The following PKHD1L1 variants were observed in gnomAD, a reference collection of about 807,000 sequenced individuals.
PKHD1L1 encodes fibrocystin-L.
A neutral mutation model predicts 462.9 loss-of-function variants in PKHD1L1; 434 were observed. The ratio of observed to expected loss-of-function variants is 0.94; its 90% confidence interval spans 0.87 to 1.02. PKHD1L1 has a LOEUF of 1.02. Ranked by LOEUF, PKHD1L1 falls within the 50% of genes least tolerant of loss-of-function variation. The pLI is 0.00. For synonymous variants in PKHD1L1, 1,781 were observed against 1,750.0 expected, an observed-to-expected ratio of 1.02 and a Z score of -0.44; for missense variants, 5,202 against 5,096.1, an observed-to-expected ratio of 1.02 and a Z score of -0.63.
Position 109,530,159 on chromosome 8 carries a change from CA to C in PKHD1L1, c.*73del. 1.0e-6 allele frequency: 1 copy of C among 968,924 alleles called. No homozygotes were observed. 60.0% of individuals were successfully genotyped at this position (968,924 alleles called of 1,614,324 possible). ...ATTAGCTACTTTGTTGGGCAATAGG[CA>C]AAAGTCTATAGCATTTTCATGAAAA... On this transcript the variant is annotated 3_prime_UTR_variant, in exon 78 of 78. Transcript: ENST00000378402.
At chr8:109,374,469 G>A (rs1027572220) in intron 2 of PKHD1L1, among the ~76,000 whole-genome samples, 1 of 152,184 alleles carries the variant, frequency 6.6e-6, no homozygotes, top group Non-Finnish European at 1.5e-5. Context: ...GCCAGTCTGT[G>A]TCTTTTAATT....
At chr8:109,497,393 G>T in intron 65 of PKHD1L1, 121 bp downstream of exon 65, 1 of 1,170,450 alleles carries the variant, frequency 8.5e-7, no homozygotes, top group Non-Finnish European at 1.2e-6. Context: ...ACACCTCCCT[G>T]CCTTTGTTCC....
intron 63 of PKHD1L1, among the ~76,000 whole-genome samples, chr8:109,496,655 A>G (rs1673424): frequency 0.44 from 66,449 of 152,090 alleles, 15,033 homozygotes; most frequent in South Asian, 0.58. Flanking sequence ...CTACTCAGGA[A>G]GCCAAGGCAG....
At chr8:109,441,785 G>A (rs1218063419) in intron 34 of PKHD1L1, among the ~76,000 whole-genome samples, 6 of 151,370 alleles carry the variant, frequency 4.0e-5, no homozygotes, top group Admixed American at 1.3e-4. Flanking sequence ...GTTGATCATC[G>A]CTTTTGCAGT....
rs760677199 is a variant in PKHD1L1, at chr8:109,405,119, T to C, written c.1658T>C (p.Met553Thr). 3.4e-6 allele frequency: 5 copies of C among 1,456,926 alleles called. No homozygotes were observed. In the East Asian group the frequency reaches 7.2e-5, roughly 21 times the overall value. The allele number at this position is 1,456,926 out of a possible 1,614,324, so 90.2% of individuals were successfully genotyped here. A position where few individuals can be genotyped will look rare whatever the true frequency, so the allele number is the denominator to read the frequency against. The change falls in exon 16 of 78, where the codon ATG becomes ACG. Residue 553 changes from methionine to threonine, a missense_variant. This residue lies in a region of PKHD1L1 where 4,497 missense variants were observed against 4,336.8 expected (regional missense o/e 1.04). Coordinates refer to ENST00000378402, the MANE Select transcript of PKHD1L1 (RefSeq NM_177531.6). ...TACCAATATAGATTAATCTATAATA[T>C]GGAAAAAACTGGTAAGTTATAAATA... ...SLYQYRLIYN[M>T]EKTVFLPADA... is the part of the protein sequence containing the mutation.
chr8:109,473,310 G>A (rs572552861), intron 50 of PKHD1L1, among the ~76,000 whole-genome samples: 3 of 151,962 alleles, frequency 2.0e-5, no homozygotes, highest in Non-Finnish European at 4.4e-5. Context: ...TCAAGAGTTC[G>A]AAAGCAGCCT....
chr8:109,417,521 A>AAAAT (rs55633615), intron 21 of PKHD1L1, among the ~76,000 whole-genome samples: 89,914 of 151,404 alleles, frequency 0.59, 27,256 homozygotes, highest in African/African-American at 0.71. Context: ...CAGTCAAGAC[A>AAAAT]AAATTTATCC....
chr8:109,443,963 C>T (rs187910863), intron 37 of PKHD1L1, 61 bp downstream of exon 37: 69 of 1,369,750 alleles, frequency 5.0e-5, no homozygotes, highest in South Asian at 1.2e-4. Flanking sequence ...AGTATTTTGA[C>T]GATAACCTTG....
intron 2 of PKHD1L1, among the ~76,000 whole-genome samples, chr8:109,373,713 C>T (rs1811644400): frequency 6.6e-6 from 1 of 152,082 alleles, no homozygotes; most frequent in Non-Finnish European, 1.5e-5. Flanking sequence ...TGTCTTTGTC[C>T]TCGTTGGTTT....
intron 13 of PKHD1L1, 105 bp from the exon 14 acceptor site, chr8:109,401,392 T>A (rs1813266835): frequency 5.9e-6 from 4 of 676,308 alleles, no homozygotes; most frequent in South Asian, 2.0e-5. Context: ...ATTTTTCTAC[T>A]TATGAAACTT....
In PKHD1L1 at chr8:109,388,698, A is replaced by G. The variant is rs1812557729; in HGVS notation, c.623+148A>G. The stretch of plus-strand genomic sequence containing the variant: ...TATTCCACATAGCGCATTAGCAATC[A>G]TTTTTACAGTTAGGTGCTACCTTAC... On this transcript the variant is annotated intron_variant, in intron 7 of 77. Transcript: ENST00000378402. 4.7e-6 allele frequency: 3 copies of G among 631,824 alleles called. No individual in the cohort carries two copies. In the South Asian group the frequency reaches 7.0e-5, roughly 15 times the overall value. The allele number at this position is 631,824 out of a possible 1,614,324, so 39.1% of individuals were successfully genotyped here.
chr8:109,440,792 G>A lies in PKHD1L1; in HGVS notation c.4039G>A (p.Glu1347Lys). The A allele has an allele frequency of 6.2e-7, 1 of 1,613,176 alleles. No homozygotes were observed. Among genetic ancestry groups the A allele is most frequent in the South Asian group, 1.1e-5 (1 of 91,038 alleles). The change falls in exon 33 of 78, where the codon GAA becomes AAA. Residue 1347 changes from glutamate to lysine, a missense_variant. By Grantham distance (56) the Glu-to-Lys change is moderately conservative (BLOSUM62 1). Transcript: ENST00000378402. ...AAGAGGCTCCTTGTTTGGTGGAACT[G>A]AAATCACCATAAGGGGTTTTGGATT... is the stretch of plus-strand genomic sequence containing the variant. ...PQRGSLFGGTEITIRGFGFST... is the reference protein window; with the variant it reads ...PQRGSLFGGTKITIRGFGFST...
At chr8:109,485,013 T>C in intron 57 of PKHD1L1, 31 bp from the exon 58 acceptor site, 1 of 1,535,716 alleles carries the variant, frequency 6.5e-7, no homozygotes, top group Non-Finnish European at 8.8e-7. Flanking sequence ...TTTAAAATTG[T>C]TCTTAAATTT....
rs767798996 is a variant in PKHD1L1, at chr8:109,507,896, G to A, written c.11227+1G>A. 21 of 1,613,122 alleles carry A rather than the reference G, an allele frequency of 1.3e-5. 1 individual carries two copies. The South Asian group carries it at 1.5e-4, about 12-fold the overall frequency. On this transcript the variant is annotated splice_donor_variant, in intron 69 of 77. Coordinates refer to ENST00000378402, the MANE Select transcript of PKHD1L1 (RefSeq NM_177531.6). LOFTEE classifies it high-confidence loss of function. ...GTCACTGAGAAAGCACCTCATAAAG[G>A]TTTGTTGGATCTTGCTTAATCTGTC... is the stretch of plus-strand genomic sequence containing the variant.
rs760441591 is a variant in PKHD1L1 at position 109,444,959 on chromosome 8, A to G, written c.5090A>G (p.His1697Arg). The G allele has an allele frequency of 6.2e-7, 1 of 1,614,008 alleles. No homozygotes were observed. The highest frequency in any genetic ancestry group is 1.1e-5 in the South Asian group (1 of 91,082). The change falls in exon 38 of 78, where the codon CAT becomes CGT. Residue 1697 changes from histidine to arginine, a missense_variant. Coordinates refer to ENST00000378402, the MANE Select transcript of PKHD1L1 (RefSeq NM_177531.6). ...SSAGVKVLMG[H>R]FPCKVLSVNY... Reference sequence around the variant, plus strand: ...GCAGGTGTAAAAGTCCTTATGGGTCATTTCCCATGTAAAGTTCTATCAGTG... The same window carrying G: ...GCAGGTGTAAAAGTCCTTATGGGTCGTTTCCCATGTAAAGTTCTATCAGTG...
In PKHD1L1 at chr8:109,443,805, C is replaced by T. The variant is rs779519285; in HGVS notation, c.4694C>T (p.Ser1565Leu). 1 of 1,613,742 alleles carries T rather than the reference C, an allele frequency of 6.2e-7. No homozygotes were observed. Among genetic ancestry groups the T allele is most frequent in the South Asian group, 1.1e-5 (1 of 91,062 alleles). The change falls in exon 37 of 78, where the codon TCA becomes TTA. Residue 1565 changes from serine to leucine, a missense_variant. Transcript: ENST00000378402. ...RLLFEVSSCF[S>L]PSISNITPST... ...CTATTTGAGGTTTCAAGTTGTTTTT[C>T]ACCATCTATAAGCAACATTACTCCG...
intron 59 of PKHD1L1, among the ~76,000 whole-genome samples, chr8:109,488,438 C>T (rs1208660823): frequency 6.6e-6 from 1 of 151,942 alleles, no homozygotes; most frequent in African/African-American, 2.4e-5. Flanking sequence ...TTCTAAGCTT[C>T]TTTACTTTCT....
At position 109,454,828 on chromosome 8, in the gene PKHD1L1, C is replaced by A. The variant is rs201214727; in HGVS notation, c.6850C>A (p.Arg2284=). The change falls in exon 45 of 78, where the codon CGG becomes AGG. Residue 2284 remains arginine, a synonymous_variant. Transcript: ENST00000378402. The stretch of plus-strand genomic sequence containing the variant: ...CTATGGTGCCAAAACACTGGCTGTG[C>A]GGGAGGGAATCCTGGATCTGCACGG... The part of the protein sequence containing the change: ...PVYGAKTLAV[R]EGILDLHGVP... 62 of 1,613,408 alleles carry A rather than the reference C, an allele frequency of 3.8e-5. No individual in the cohort carries two copies. The highest frequency in any genetic ancestry group is 1.0e-5 in the Non-Finnish European group (12 of 1,179,666).
Position 109,445,354 on chromosome 8 carries a change from A to T in PKHD1L1, c.5485A>T (p.Ser1829Cys). Residue 1829 changes from serine to cysteine, a missense_variant, in exon 38 of 78, where the codon AGC (serine) becomes TGC (cysteine). Ser to Cys is a moderately radical substitution (Grantham distance 112). This residue lies in a region of PKHD1L1 where 4,497 missense variants were observed against 4,336.8 expected (regional missense o/e 1.04). Transcript: ENST00000378402. ...KGLALGNLTV[S>C]SPPVASLSPT... is the part of the protein sequence containing the mutation. ...CTTGGCTCTGGGAAACCTGACTGTC[A>T]GCAGCCCCCCAGTAGCATCTCTATC... The T allele has an allele frequency of 6.2e-7, 1 of 1,613,988 alleles. No homozygotes were observed. The highest frequency in any genetic ancestry group is 1.3e-5 in the African/African-American group (1 of 75,048).
Sources: allele counts gnomAD v4.1 joint callset (sites outside exome capture counted in the v4.1 genomes callset), GRCh38; gene constraint gnomAD v4.1.1; regional missense constraint gnomAD v4.1.1; transcripts MANE v1.5; gene names NCBI Gene and HGNC (gene_info 2026-07-23, HGNC 2026-07-21).